The following EXD2 variants were observed in gnomAD, a reference collection of about 807,000 sequenced individuals.
EXD2 encodes exonuclease 3'-5' domain-containing protein 2.
Under a neutral mutation model 62.5 loss-of-function variants are expected in EXD2, and 40 were observed. The observed-to-expected ratio is 0.64, with a 90% CI of 0.50 to 0.83. EXD2 has a LOEUF of 0.83. Among genes scored for constraint, EXD2 ranks in the 40% least tolerant of loss-of-function variants. EXD2 has a pLI of 0.00. For missense variants in EXD2, 671 were observed against 761.8 expected (o/e 0.88, Z 1.40); for synonymous variants, 239 against 291.9 (o/e 0.82, Z 1.85).
intron 2 of EXD2, 94 bp from the exon 3 acceptor site, chr14:69,209,330 A>T: frequency 1.7e-6 from 1 of 588,690 alleles, no homozygotes. Flanking sequence ...TTGTGGGCAC[A>T]GAGATTATAA....
At chr14:69,198,016 C>T (rs948799771) in intron 1 of EXD2, among the ~76,000 whole-genome samples, 3 of 152,158 alleles carry the variant, frequency 2.0e-5, no homozygotes, top group Non-Finnish European at 4.4e-5. Flanking sequence ...CTCTTCTGGT[C>T]TTCTTCTAGA....
At chr14:69,240,692 T>C (rs1233555897) in intron 9 of EXD2, among the ~76,000 whole-genome samples, 192 bp from the exon 10 acceptor site, 1 of 152,086 alleles carries the variant, frequency 6.6e-6, no homozygotes, top group African/African-American at 2.4e-5. Context: ...TCTGTTGGGA[T>C]TGCGAGTCGT....
chr14:69,217,867 A>T (rs1398413115), intron 3 of EXD2, among the ~76,000 whole-genome samples: 1 of 152,080 alleles, frequency 6.6e-6, no homozygotes, highest in Non-Finnish European at 1.5e-5. Context: ...AAGGACATGA[A>T]CTCATCCTTT....
Position 69,241,669 on chromosome 14 carries a change from A to G in EXD2, c.*569A>G. 1 of 393,760 alleles carries G rather than the reference A, an allele frequency of 2.5e-6. No homozygotes were observed. Among genetic ancestry groups the G allele is most frequent in the Non-Finnish European group, 4.5e-6 (1 of 223,418 alleles). 24.4% of individuals were successfully genotyped at this position (393,760 alleles called of 1,614,324 possible). A position where few individuals can be genotyped will look rare whatever the true frequency, so the allele number is the denominator to read the frequency against. On this transcript the variant is annotated 3_prime_UTR_variant, in exon 10 of 10. Coordinates refer to ENST00000685843, the MANE Select transcript of EXD2 (RefSeq NM_001193360.2). Reference sequence around the variant, plus strand: ...CATCCCATCTGGGTCACTTCAGTCTACTTCACGTACTTGAAAAGGCTTTCC... The same window carrying G: ...CATCCCATCTGGGTCACTTCAGTCTGCTTCACGTACTTGAAAAGGCTTTCC...
chr14:69,241,672 TC>T lies in EXD2; in HGVS notation c.*573del. 1 of 394,244 alleles carries T rather than the reference TC, an allele frequency of 2.5e-6. No homozygotes were observed. Among genetic ancestry groups the T allele is most frequent in the Non-Finnish European group, 4.5e-6 (1 of 223,680 alleles). The allele number at this position is 394,244 out of a possible 1,614,324, so 24.4% of individuals were successfully genotyped here. A position where few individuals can be genotyped will look rare whatever the true frequency, so the allele number is the denominator to read the frequency against. On this transcript the variant is annotated 3_prime_UTR_variant, in exon 10 of 10. Transcript: ENST00000685843. ...CCCATCTGGGTCACTTCAGTCTACTTCACGTACTTGAAAAGGCTTTCCTTTA... is the reference window on the plus strand; with the variant it reads ...CCCATCTGGGTCACTTCAGTCTACTTACGTACTTGAAAAGGCTTTCCTTTA...
At chr14:69,205,538 T>G (rs1002897964) in intron 2 of EXD2, among the ~76,000 whole-genome samples, 12 of 152,246 alleles carry the variant, frequency 7.9e-5, no homozygotes, top group Admixed American at 3.9e-4. Flanking sequence ...TGTCTTTGTT[T>G]TAGTTATTAT....
At chr14:69,225,341 G>C (rs1555390882) in intron 3 of EXD2, among the ~76,000 whole-genome samples, 1 of 152,034 alleles carries the variant, frequency 6.6e-6, no homozygotes, top group Non-Finnish European at 1.5e-5. Flanking sequence ...TGTTTTGTTG[G>C]TTTTTTTCTT....
intron 9 of EXD2, among the ~76,000 whole-genome samples, chr14:69,238,599 G>GTTT (rs556113895): frequency 2.3e-5 from 3 of 131,230 alleles, no homozygotes; most frequent in Non-Finnish European, 5.0e-5. Flanking sequence ...AGTACAGATA[G>GTTT]TTTTTTTTTT....
chr14:69,237,960 C>A, intron 9 of EXD2, 29 bp downstream of exon 9: 1 of 1,515,476 alleles, frequency 6.6e-7, no homozygotes, highest in Non-Finnish European at 8.9e-7. Context: ...GTGGAATGTA[C>A]CAGGGACATT....
chr14:69,238,616 T>C (rs79526888), intron 9 of EXD2, among the ~76,000 whole-genome samples: 4 of 150,976 alleles, frequency 2.6e-5, no homozygotes, highest in African/African-American at 7.4e-5. Flanking sequence ...TTTTTTTTTT[T>C]CCAAATAGTT....
At chr14:69,236,725 C>T (rs1472860447) in intron 8 of EXD2, among the ~76,000 whole-genome samples, 183 bp downstream of exon 8, 1 of 152,192 alleles carries the variant, frequency 6.6e-6, no homozygotes, top group Non-Finnish European at 1.5e-5. Context: ...GGCCCTTACC[C>T]CTCCTGAGCC....
At chr14:69,193,060 CTT>C (rs1555385968) in intron 1 of EXD2, among the ~76,000 whole-genome samples, 11 of 138,090 alleles carry the variant, frequency 8.0e-5, no homozygotes, top group South Asian at 6.9e-4. Context: ...TTCTCTCTCT[CTT>C]TTTTTTTTTT....
rs753680327 is a variant in EXD2, at chr14:69,234,908, C to T, written c.926C>T (p.Thr309Ile). The T allele has an allele frequency of 3.1e-6, 5 of 1,614,122 alleles. No homozygotes were observed. Among genetic ancestry groups the T allele is most frequent in the Admixed American group, 3.3e-5 (2 of 59,990 alleles). ...RLGEEVNGEA[T>I]ESQQKPRNKK... is the part of the protein sequence containing the mutation. Reference sequence around the variant, plus strand: ...GGAGAAGAGGTTAATGGGGAAGCAACAGAATCTCAGCAGAAGCCAAGAAAT... The same window carrying T: ...GGAGAAGAGGTTAATGGGGAAGCAATAGAATCTCAGCAGAAGCCAAGAAAT... The change falls in exon 6 of 10, where the codon ACA becomes ATA. Residue 309 changes from threonine (T) to isoleucine (I), a missense_variant. Coordinates refer to ENST00000685843, the MANE Select transcript of EXD2 (RefSeq NM_001193360.2).
At position 69,236,542 on chromosome 14, in the gene EXD2, G is replaced by T. The variant is rs373719960; in HGVS notation, c.1292G>T (p.Arg431Leu). 3.7e-6 allele frequency: 6 copies of T among 1,613,940 alleles called. No individual in the cohort carries two copies. Among genetic ancestry groups the T allele is most frequent in the Non-Finnish European group, 4.2e-6 (5 of 1,179,996 alleles). The change falls in exon 8 of 10, where the codon CGG becomes CTG. Residue 431 changes from arginine (R) to leucine (L), a missense_variant and splice_region_variant. Coordinates refer to ENST00000685843, the MANE Select transcript of EXD2 (RefSeq NM_001193360.2). ...TGTGGCAAGAGAGACTCCTACATTCGGTGAGTGCAGCATTGGGCCACCCTG... is the reference window on the plus strand; with the variant it reads ...TGTGGCAAGAGAGACTCCTACATTCTGTGAGTGCAGCATTGGGCCACCCTG... ...VVCGKRDSYI[R>L]KNVIPHEYRK...
At chr14:69,237,521 C>A (rs2043835836) in intron 8 of EXD2, 54 bp from the exon 9 acceptor site, 1 of 1,549,402 alleles carries the variant, frequency 6.5e-7, no homozygotes, top group Non-Finnish European at 8.9e-7. Flanking sequence ...GCTGTCTTCC[C>A]ATGTGCTCTG....
Position 69,243,606 on chromosome 14 carries a change from A to C in EXD2, c.*2506A>C, listed in dbSNP as rs2044035857. On this transcript the variant is annotated 3_prime_UTR_variant, in exon 10 of 10. Coordinates refer to ENST00000685843, the MANE Select transcript of EXD2 (RefSeq NM_001193360.2). ...TCAGATACTTTTATTATCAATGATG[A>C]TGTGATAAAGTTTCTTGTATATATC... 6.6e-6 allele frequency: 1 copy of C among 152,218 alleles called. No individual in the cohort carries two copies. Among genetic ancestry groups the C allele is most frequent in the Non-Finnish European group, 1.5e-5 (1 of 68,038 alleles). 9.4% of individuals were successfully genotyped at this position (152,218 alleles called of 1,614,324 possible). A position where few individuals can be genotyped will look rare whatever the true frequency, so the allele number is the denominator to read the frequency against.
chr14:69,241,353 T>C lies in EXD2; in HGVS notation c.*253T>C. The C allele has an allele frequency of 2.3e-6, 1 of 442,442 alleles. No individual in the cohort carries two copies. The highest frequency in any genetic ancestry group is 4.0e-6 in the Non-Finnish European group (1 of 248,132). 27.4% of individuals were successfully genotyped at this position (442,442 alleles called of 1,614,324 possible). A position where few individuals can be genotyped will look rare whatever the true frequency, so the allele number is the denominator to read the frequency against. The stretch of plus-strand genomic sequence containing the variant: ...TGGACAAGAGAGGCCTTCGCCTTTA[T>C]TTTTACTCTCCCTCTTCTGCTGTCC... On this transcript the variant is annotated 3_prime_UTR_variant, in exon 10 of 10. Coordinates refer to ENST00000685843, the MANE Select transcript of EXD2 (RefSeq NM_001193360.2).
Position 69,237,561 on chromosome 14 carries a change from T to C in EXD2, c.1293-14T>C. The C allele has an allele frequency of 6.2e-7, 1 of 1,613,392 alleles. No individual in the cohort carries two copies. The highest frequency in any genetic ancestry group is 8.5e-7 in the Non-Finnish European group (1 of 1,179,294). On this transcript the variant is annotated splice_polypyrimidine_tract_variant and intron_variant, in intron 8 of 9. Coordinates refer to ENST00000685843, the MANE Select transcript of EXD2 (RefSeq NM_001193360.2). ...ACACTTATGAGCGCTGCTTTCCGGC[T>C]GGGCTTGTTCCAGGAAGAACGTGAT... is the stretch of plus-strand genomic sequence containing the variant.
rs778711587 is a variant in EXD2 at position 69,229,039 on chromosome 14, G to A, written c.557G>A (p.Cys186Tyr). Reference sequence around the variant, plus strand: ...GATTATGGCCTCGTTGTTAGGGGGTGCCTGGACCTCCGATACCTAGCCATG... The same window carrying A: ...GATTATGGCCTCGTTGTTAGGGGGTACCTGGACCTCCGATACCTAGCCATG... ...LQDYGLVVRG[C>Y]LDLRYLAMRQ... Residue 186 changes from cysteine to tyrosine, a missense_variant, in exon 4 of 10, where the codon TGC (cysteine) becomes TAC (tyrosine). Coordinates refer to ENST00000685843, the MANE Select transcript of EXD2 (RefSeq NM_001193360.2). The A allele has an allele frequency of 5.0e-6, 8 of 1,614,224 alleles. No individual in the cohort carries two copies. In the Admixed American group the frequency reaches 1.2e-4, roughly 24 times the overall value.
Sources: allele counts gnomAD v4.1 joint callset (sites outside exome capture counted in the v4.1 genomes callset), GRCh38; gene constraint gnomAD v4.1.1; transcripts MANE v1.5; gene names NCBI Gene and HGNC (gene_info 2026-07-23, HGNC 2026-07-21).